Variants in NEK1 observed in about 807,000 individuals in gnomAD.
The protein encoded by NEK1 is NIMA related kinase 1.
A neutral mutation model predicts 182.1 loss-of-function variants in NEK1; 137 were observed. That is an observed-to-expected ratio of 0.75 (90% CI 0.65 to 0.87). The LOEUF is 0.87. Among genes scored for constraint, NEK1 ranks in the 40% least tolerant of loss-of-function variants. The probability of loss-of-function intolerance (pLI) is 0.00; values close to 1 mark genes in which losing one functional copy is unlikely to be tolerated. For synonymous variants in NEK1, 513 were observed against 492.2 expected (o/e 1.04, Z -0.56); for missense variants, 1,391 against 1,494.4 (o/e 0.93, Z 1.14).
intron 30 of NEK1, 125 bp from the exon 31 acceptor site, chr4:169,424,925 C>G: frequency 1.1e-6 from 1 of 934,152 alleles, no homozygotes; most frequent in Non-Finnish European, 1.6e-6. Context: ...AAAATAAAAT[C>G]AAAATATGTG....
chr4:169,419,271 T>C (rs372050027), intron 31 of NEK1, among the ~76,000 whole-genome samples: 1 of 151,856 alleles, frequency 6.6e-6, no homozygotes, highest in South Asian at 2.1e-4. Flanking sequence ...TATAATTCTA[T>C]ATCTAGTGAA....
intron 19 of NEK1, among the ~76,000 whole-genome samples, chr4:169,524,477 A>G (rs191892765): frequency 3.6e-4 from 54 of 152,096 alleles, no homozygotes; most frequent in African/African-American, 1.1e-3. Context: ...AAAAAAAAAA[A>G]AAAGAAAAAT....
chr4:169,602,225 C>A, intron 3 of NEK1, 121 bp from the exon 4 acceptor site: 1 of 706,198 alleles, frequency 1.4e-6, no homozygotes, highest in South Asian at 1.8e-5. Flanking sequence ...CAAAATATAG[C>A]AAGAAGTTAA....
intron 19 of NEK1, among the ~76,000 whole-genome samples, chr4:169,524,427 C>T (rs1756568892): frequency 7.0e-6 from 1 of 143,760 alleles, no homozygotes; most frequent in Non-Finnish European, 1.5e-5. Flanking sequence ...TGCCATAGCA[C>T]TCCAGCATGG....
chr4:169,500,027 A>T (rs7676602), intron 23 of NEK1, among the ~76,000 whole-genome samples: 44,016 of 151,810 alleles, frequency 0.29, 9,009 homozygotes, highest in African/African-American at 0.59. Context: ...GCAGGCCTCC[A>T]TGAGCTGCGG....
chr4:169,604,555 ACT>A (rs1771024101), intron 2 of NEK1, among the ~76,000 whole-genome samples: 1 of 152,066 alleles, frequency 6.6e-6, no homozygotes, highest in African/African-American at 2.4e-5. Context: ...TTGTCGTGAA[ACT>A]CTTTTTAAAT....
intron 27 of NEK1, among the ~76,000 whole-genome samples, chr4:169,442,783 T>C (rs1278391082): frequency 6.6e-6 from 1 of 152,180 alleles, no homozygotes; most frequent in Non-Finnish European, 1.5e-5. Context: ...AATGTAATCC[T>C]AGTGTTTTAG....
In NEK1 at chr4:169,612,437, G is replaced by C. The variant is rs1346437911; in HGVS notation, c.-388C>G. 6.6e-6 allele frequency: 1 copy of C among 152,356 alleles called. No homozygotes were observed. The highest frequency in any genetic ancestry group is 1.5e-5 in the Non-Finnish European group (1 of 68,260). The allele number at this position is 152,356 out of a possible 1,614,324, so 9.4% of individuals were successfully genotyped here. The stretch of plus-strand genomic sequence containing the variant: ...CCACGGCGGGGTGGGGACGGGCGGC[G>C]TTCGGGACTGGGAAGCTACTTGACT... On this transcript the variant is annotated 5_prime_UTR_variant, in exon 1 of 36. Coordinates refer to ENST00000507142, the MANE Select transcript of NEK1 (RefSeq NM_001199397.3).
rs777877823 is a variant in NEK1, at chr4:169,602,657, G to A, written c.-27C>T. The A allele has an allele frequency of 2.5e-6, 3 of 1,208,448 alleles. No individual in the cohort carries two copies. The highest frequency in any genetic ancestry group is 1.7e-5 in the Admixed American group (1 of 57,184). 74.9% of individuals were successfully genotyped at this position (1,208,448 alleles called of 1,614,324 possible). ...ATTCTTTTTCTAAGGCATCTTTACA[G>A]ATATGCTAGACATTTAAAAAACTAA... On this transcript the variant is annotated 5_prime_UTR_variant, in exon 3 of 36. Transcript: ENST00000507142.
chr4:169,599,528 A>C (rs1459788977), intron 4 of NEK1, among the ~76,000 whole-genome samples: 1 of 152,226 alleles, frequency 6.6e-6, no homozygotes, highest in Non-Finnish European at 1.5e-5. Flanking sequence ...TAAATGTCAC[A>C]CATAAAATCA....
At chr4:169,538,176 CTTAT>C (rs941904514) in intron 18 of NEK1, among the ~76,000 whole-genome samples, 54 of 152,138 alleles carry the variant, frequency 3.5e-4, no homozygotes, top group African/African-American at 1.1e-3. Flanking sequence ...ATCTATTCTA[CTTAT>C]TTAAACATAT....
At chr4:169,471,880 T>C (rs555074535) in intron 26 of NEK1, among the ~76,000 whole-genome samples, 1 of 152,234 alleles carries the variant, frequency 6.6e-6, no homozygotes, top group East Asian at 1.9e-4. Flanking sequence ...GGCTTTGCCA[T>C]GCTGTGTTGG....
At chr4:169,472,203 A>G (rs1326593836) in intron 26 of NEK1, among the ~76,000 whole-genome samples, 1 of 152,118 alleles carries the variant, frequency 6.6e-6, no homozygotes, top group Non-Finnish European at 1.5e-5. Context: ...TCCTGCAGCC[A>G]GCTCGGTGTC....
At chr4:169,508,169 T>C in intron 21 of NEK1, 79 bp downstream of exon 21, 1 of 1,245,238 alleles carries the variant, frequency 8.0e-7, no homozygotes, top group Non-Finnish European at 1.1e-6. Flanking sequence ...TTGTCGTTGT[T>C]GTTAATGGCA....
At chr4:169,414,508 T>C (rs4129652) in intron 31 of NEK1, among the ~76,000 whole-genome samples, 143 of 152,308 alleles carry the variant, frequency 9.4e-4, no homozygotes, top group African/African-American at 3.1e-3. Flanking sequence ...CACTCAAAAT[T>C]AGACATTCCT....
chr4:169,541,808 A>T (rs1382858775), intron 18 of NEK1, among the ~76,000 whole-genome samples: 1 of 152,148 alleles, frequency 6.6e-6, no homozygotes, highest in African/African-American at 2.4e-5. Flanking sequence ...ATAGCCCATG[A>T]CACACTGTCA....
intron 2 of NEK1, among the ~76,000 whole-genome samples, chr4:169,604,745 C>T (rs913553047): frequency 3.3e-5 from 5 of 152,176 alleles, no homozygotes; most frequent in Non-Finnish European, 5.9e-5. Flanking sequence ...AGAACTCAGC[C>T]TGTGGTAGCA....
intron 19 of NEK1, among the ~76,000 whole-genome samples, chr4:169,521,531 C>T (rs1055739777): frequency 6.6e-6 from 1 of 152,180 alleles, no homozygotes; most frequent in Non-Finnish European, 1.5e-5. Flanking sequence ...GGTTCCTCCC[C>T]CTGCAATAAC....
At position 169,519,778 on chromosome 4, in the gene NEK1, C is replaced by T. The variant is rs1021297957; in HGVS notation, c.1666-10926G>A. Reference sequence around the variant, plus strand: ...CCTTCACTTATGAAGCTTAGTTTGGCTGTATATGAAATTCTGGGTTGAAAA... The same window carrying T: ...CCTTCACTTATGAAGCTTAGTTTGGTTGTATATGAAATTCTGGGTTGAAAA... On this transcript the variant is annotated intron_variant, in intron 19 of 35. Transcript: ENST00000507142. 2.3e-5 allele frequency among the ~76,000 whole-genome samples: 2 copies of T among 88,638 alleles called. 1 individual carries two copies. Among genetic ancestry groups the T allele is most frequent in the Non-Finnish European group, 5.0e-5 (2 of 40,344 alleles). 58.1% of individuals were successfully genotyped at this position (88,638 alleles called of 152,430 possible).
Sources: allele counts gnomAD v4.1 joint callset (sites outside exome capture counted in the v4.1 genomes callset), GRCh38; gene constraint gnomAD v4.1.1; transcripts MANE v1.5; gene names NCBI Gene and HGNC (gene_info 2026-07-23, HGNC 2026-07-21).